Variants in DHX35 observed in about 807,000 individuals in gnomAD.
DHX35 encodes the protein DEAH-box helicase 35.
Under a neutral mutation model 99.6 loss-of-function variants are expected in DHX35, and 84 were observed. The observed-to-expected ratio is 0.84, with a 90% CI of 0.71 to 1.01. DHX35 has a LOEUF of 1.01. Ranked by LOEUF, DHX35 falls within the 50% of genes least tolerant of loss-of-function variation. The pLI, the probability that DHX35 is intolerant of heterozygous loss-of-function variation, is 0.00. For missense variants in DHX35, 852 were observed against 888.5 expected, an observed-to-expected ratio of 0.96 and a Z score of 0.52; for synonymous variants, 331 against 316.2, an observed-to-expected ratio of 1.05 and a Z score of -0.50.
intron 13 of DHX35, 41 bp downstream of exon 13, chr20:39,010,445 G>A: frequency 6.2e-7 from 1 of 1,608,934 alleles, no homozygotes; most frequent in Non-Finnish European, 8.5e-7. Context: ...GGAGGCTAGG[G>A]AGCTCACAGG....
chr20:38,991,893 CATTAAAG>C (rs2086343904), intron 6 of DHX35, among the ~76,000 whole-genome samples: 1 of 152,176 alleles, frequency 6.6e-6, no homozygotes, highest in South Asian at 2.1e-4. Flanking sequence ...TCACTCACAG[CATTAAAG>C]CTGTCCTACC....
In DHX35 at chr20:38,977,855, A is replaced by AT. The variant is rs1421368133; in HGVS notation, c.267+5210dup. 20 of 563,870 alleles carry AT rather than the reference A, an allele frequency of 3.5e-5. No homozygotes were observed. The East Asian group carries it at 7.1e-4, about 20-fold the overall frequency. 34.9% of individuals were successfully genotyped at this position (563,870 alleles called of 1,614,324 possible). A position where few individuals can be genotyped will look rare whatever the true frequency, so the allele number is the denominator to read the frequency against. On this transcript the variant is annotated intron_variant, in intron 3 of 21. Transcript: ENST00000252011. ...TTCCATTCTGATTTGACTTTTGTGCATTTTTTGGCTGGAGTATCTTGTATA... is the reference window on the plus strand; with the variant it reads ...TTCCATTCTGATTTGACTTTTGTGCATTTTTTTGGCTGGAGTATCTTGTATA...
intron 2 of DHX35, among the ~76,000 whole-genome samples, chr20:38,970,748 A>C (rs2085982790): frequency 6.6e-6 from 1 of 152,222 alleles, no homozygotes; most frequent in South Asian, 2.1e-4. Context: ...AGTACAAGGG[A>C]AATTACTGTT....
chr20:38,989,102 T>TC (rs956506504), intron 5 of DHX35, among the ~76,000 whole-genome samples, 185 bp downstream of exon 5: 13 of 114,494 alleles, frequency 1.1e-4, no homozygotes, highest in African/African-American at 2.9e-4. Context: ...TTTTTCTTTT[T>TC]TTTTTTTTTT....
chr20:38,978,269 C>T (rs750595026), intron 3 of DHX35: 8 of 775,056 alleles, frequency 1.0e-5, no homozygotes, highest in Non-Finnish European at 1.9e-5. Context: ...TCCTTTGCAC[C>T]AGCCCCTGAG....
At chr20:38,962,758 G>T in intron 1 of DHX35, 1 of 311,148 alleles carries the variant, frequency 3.2e-6, no homozygotes, top group Non-Finnish European at 6.0e-6. Flanking sequence ...GCTGTGGCCC[G>T]ACAGACAATG....
In DHX35 at chr20:39,028,505, A is replaced by G. The variant is rs764865995; in HGVS notation, c.1883+6A>G. Reference sequence around the variant, plus strand: ...CATTCTACTGGAGCTTATAGGTAACATGATACTTGGTGAAGTCATTTGTTA... The same window carrying G: ...CATTCTACTGGAGCTTATAGGTAACGTGATACTTGGTGAAGTCATTTGTTA... On this transcript the variant is annotated splice_donor_region_variant and intron_variant, in intron 19 of 21. Transcript: ENST00000252011. The G allele has an allele frequency of 1.7e-5, 27 of 1,614,004 alleles. No homozygotes were observed. The highest frequency in any genetic ancestry group is 2.2e-5 in the East Asian group (1 of 44,896).
intron 11 of DHX35, among the ~76,000 whole-genome samples, chr20:39,005,314 G>T (rs2086596847): frequency 6.6e-6 from 1 of 152,058 alleles, no homozygotes; most frequent in South Asian, 2.1e-4. Context: ...TTGCATATCT[G>T]CCTCCCTCTG....
chr20:38,977,400 G>C (rs2086097978), intron 3 of DHX35, among the ~76,000 whole-genome samples: 1 of 152,066 alleles, frequency 6.6e-6, no homozygotes, highest in Admixed American at 6.5e-5. Context: ...ATCTTCTTTT[G>C]AGAAATGTCT....
At chr20:39,035,043 AGCCACCAT>A (rs2087126363) in intron 21 of DHX35, among the ~76,000 whole-genome samples, 2 of 151,854 alleles carry the variant, frequency 1.3e-5, no homozygotes, top group Admixed American at 1.3e-4. Context: ...TACAGGTGTG[AGCCACCAT>A]GCCACCAGTT....
rs1213277737 is a variant in DHX35, at chr20:38,990,266, G to A, written c.451-1188G>A. On this transcript the variant is annotated intron_variant, in intron 5 of 21. Coordinates refer to ENST00000252011, the MANE Select transcript of DHX35 (RefSeq NM_021931.4). ...GTATGTATGTGGCAGCTAGTACCAG[G>A]TCCAAGAAAAATATGATGGCAATGC... 2.0e-5 allele frequency among the ~76,000 whole-genome samples: 3 copies of A among 152,126 alleles called. No homozygotes were observed. The East Asian group carries it at 5.8e-4, about 29-fold the overall frequency.
rs751194752 is a variant in DHX35, at chr20:39,038,524, C to A, written c.2093C>A (p.Ala698Asp). ...CACCTGTCTCTGAAAGCCAAAAGGGCCAAGGTCCAGGACCCGTGAGAGGAG... is the reference window on the plus strand; with the variant it reads ...CACCTGTCTCTGAAAGCCAAAAGGGACAAGGTCCAGGACCCGTGAGAGGAG... ...GTHLSLKAKR[A>D]KVQDP Residue 698 changes from alanine to aspartate, a missense_variant, in exon 22 of 22, where the codon GCC becomes GAC. Coordinates refer to ENST00000252011, the MANE Select transcript of DHX35 (RefSeq NM_021931.4). 1 of 1,613,172 alleles carries A rather than the reference C, an allele frequency of 6.2e-7. No individual in the cohort carries two copies. The highest frequency in any genetic ancestry group is 8.5e-7 in the Non-Finnish European group (1 of 1,179,994).
chr20:39,004,844 G>C (rs987425913), intron 11 of DHX35, among the ~76,000 whole-genome samples: 2 of 152,172 alleles, frequency 1.3e-5, no homozygotes, highest in African/African-American at 4.8e-5. Flanking sequence ...GATGGTCTGA[G>C]GATCCACTCC....
chr20:38,998,531 C>T (rs1233912553), intron 8 of DHX35, among the ~76,000 whole-genome samples: 1 of 152,196 alleles, frequency 6.6e-6, no homozygotes, highest in Non-Finnish European at 1.5e-5. Context: ...CATTCCATTT[C>T]ATAGACTGTC....
At chr20:39,034,774 CTT>C (rs59858652) in intron 21 of DHX35, among the ~76,000 whole-genome samples, 9 of 135,058 alleles carry the variant, frequency 6.7e-5, no homozygotes, top group Admixed American at 1.5e-4. Flanking sequence ...TTTCTTTTTT[CTT>C]TTTTTTTTTT....
At chr20:39,030,537 AG>A (rs1281643187) in intron 19 of DHX35, 166 bp from the exon 20 acceptor site, 2 of 611,056 alleles carry the variant, frequency 3.3e-6, no homozygotes, top group Non-Finnish European at 5.6e-6. Flanking sequence ...CTGGGGTGGC[AG>A]CCAGGAGAGG....
At chr20:39,018,328 G>A (rs993523406) in intron 14 of DHX35, among the ~76,000 whole-genome samples, 1 of 152,076 alleles carries the variant, frequency 6.6e-6, no homozygotes, top group South Asian at 2.1e-4. Context: ...AGAGAACCAG[G>A]AGAGTTGGGG....
At chr20:38,985,461 T>C (rs2086236427) in intron 4 of DHX35, among the ~76,000 whole-genome samples, 1 of 152,094 alleles carries the variant, frequency 6.6e-6, no homozygotes, top group Non-Finnish European at 1.5e-5. Flanking sequence ...ATTAATTCTA[T>C]TTCCCCAAGT....
intron 4 of DHX35, among the ~76,000 whole-genome samples, chr20:38,984,004 G>T (rs1372853190): frequency 1.3e-5 from 2 of 152,124 alleles, no homozygotes; most frequent in Non-Finnish European, 2.9e-5. Flanking sequence ...CCGCCTCCTG[G>T]GTTCAAGCAA....
Sources: allele counts gnomAD v4.1 joint callset (sites outside exome capture counted in the v4.1 genomes callset), GRCh38; gene constraint gnomAD v4.1.1; transcripts MANE v1.5; gene names NCBI Gene and HGNC (gene_info 2026-07-23, HGNC 2026-07-21).